Variants in ATXN7 observed in about 807,000 individuals in gnomAD.
ATXN7 encodes the protein ataxin-7.
ATXN7 carries 12 observed loss-of-function variants against 70.5 expected under a neutral mutation model. The ratio of observed to expected loss-of-function variants is 0.17; its 90% CI spans 0.11 to 0.28. ATXN7 has a LOEUF of 0.28. Ranked by LOEUF, ATXN7 falls within the 10% of genes least tolerant of loss-of-function variation. The pLI, the probability that ATXN7 is intolerant of heterozygous loss-of-function variation, is 1.00. For synonymous variants in ATXN7, 498 were observed against 448.7 expected, an observed-to-expected ratio of 1.11 and a Z score of -1.39; for missense variants, 1,256 against 1,131.7, an observed-to-expected ratio of 1.11 and a Z score of -1.58.
chr3:63,990,406 T>C, intron 10 of ATXN7, 32 bp downstream of exon 10: 2 of 1,612,136 alleles, frequency 1.2e-6, no homozygotes, highest in Non-Finnish European at 1.7e-6. Context: ...GCGTTGACCC[T>C]CCCCACACAG....
rs2075514462 is a variant in ATXN7 at position 63,982,944 on chromosome 3, G to A, written c.1018G>A (p.Glu340Lys). Reference sequence around the variant, plus strand: ...TGCCTGTGTTCTTTTGACAGAAAGAGAGTTTGATCCTGACATCCACTGTGG... The same window carrying A: ...TGCCTGTGTTCTTTTGACAGAAAGAAAGTTTGATCCTGACATCCACTGTGG... ...KFLNKRLSER[E>K]FDPDIHCGVI... Residue 340 changes from glutamate to lysine, a missense_variant, in exon 8 of 13, where the codon GAG (glutamate) becomes AAG (lysine). By Grantham distance (56) the Glu-to-Lys change is moderately conservative. Coordinates refer to ENST00000674280, the MANE Select transcript of ATXN7 (RefSeq NM_001377405.1). The A allele has an allele frequency of 1.2e-6, 2 of 1,613,892 alleles. No homozygotes were observed. Among genetic ancestry groups the A allele is most frequent in the East Asian group, 4.5e-5 (2 of 44,878 alleles).
At chr3:63,940,158 A>G (rs986827355) in intron 4 of ATXN7, among the ~76,000 whole-genome samples, 3 of 152,094 alleles carry the variant, frequency 2.0e-5, no homozygotes, top group African/African-American at 7.2e-5. Flanking sequence ...AGTTGTGCGC[A>G]TGCCCAGAAA....
At chr3:63,986,374 A>C (rs189026662) in intron 8 of ATXN7, among the ~76,000 whole-genome samples, 1 of 152,308 alleles carries the variant, frequency 6.6e-6, no homozygotes, top group East Asian at 1.9e-4. Flanking sequence ...TGGAAACCCT[A>C]CTTAGGCTTC....
At chr3:63,977,202 TGAAAAAGC>T (rs2075402393) in intron 5 of ATXN7, among the ~76,000 whole-genome samples, 1 of 152,188 alleles carries the variant, frequency 6.6e-6, no homozygotes, top group African/African-American at 2.4e-5. Flanking sequence ...ACAAAAATCA[TGAAAAAGC>T]GAATGCAAAA....
At chr3:63,899,437 A>G (rs1703547227) in intron 2 of ATXN7, among the ~76,000 whole-genome samples, 1 of 152,072 alleles carries the variant, frequency 6.6e-6, no homozygotes, top group Non-Finnish European at 1.5e-5. Flanking sequence ...GAAGTTTCAC[A>G]TAATATGAAG....
At chr3:63,919,120 G>A (rs1704405249) in intron 4 of ATXN7, among the ~76,000 whole-genome samples, 1 of 152,150 alleles carries the variant, frequency 6.6e-6, no homozygotes, top group Non-Finnish European at 1.5e-5. Flanking sequence ...CATTGCATTG[G>A]TTGGAATAAA....
At chr3:63,876,179 G>A (rs1165030656) in intron 1 of ATXN7, among the ~76,000 whole-genome samples, 2 of 152,070 alleles carry the variant, frequency 1.3e-5, no homozygotes, top group Non-Finnish European at 2.9e-5. Context: ...AAAAGAATGC[G>A]AGTAAAGTTC....
intron 2 of ATXN7, among the ~76,000 whole-genome samples, chr3:63,909,549 T>C (rs1342667392): frequency 6.6e-6 from 1 of 152,240 alleles, no homozygotes. Context: ...TGGGTTTCTG[T>C]TGTACTCTTG....
At chr3:63,984,535 G>A (rs974279543) in intron 8 of ATXN7, among the ~76,000 whole-genome samples, 7 of 152,124 alleles carry the variant, frequency 4.6e-5, no homozygotes, top group East Asian at 1.9e-4. Context: ...CTCCTTCTGC[G>A]CTCTTCCTGC....
rs1214239642 is a variant in ATXN7, at chr3:63,900,204, CAAGG to C, written c.-12+1711_-12+1714del. Among the ~76,000 whole-genome samples the C allele has an allele frequency of 4.6e-5, 7 of 152,300 alleles. No homozygotes were observed. The South Asian group carries it at 6.2e-4, about 14-fold the overall frequency. ...AAAGACTGAAACAACAGAATCGAAACAAGGAAGACGAAAGGAGTTTCAGCCTCTG... is the reference window on the plus strand; with the variant it reads ...AAAGACTGAAACAACAGAATCGAAACAAGACGAAAGGAGTTTCAGCCTCTG... On this transcript the variant is annotated intron_variant, in intron 2 of 12. Transcript: ENST00000674280.
At chr3:63,894,420 A>G (rs1468507493) in intron 1 of ATXN7, among the ~76,000 whole-genome samples, 1 of 152,234 alleles carries the variant, frequency 6.6e-6, no homozygotes, top group Non-Finnish European at 1.5e-5. Context: ...GTGAGTATCA[A>G]GATGGAGAGA....
chr3:63,934,085 AC>A (rs1354861522), intron 4 of ATXN7, among the ~76,000 whole-genome samples: 1 of 152,098 alleles, frequency 6.6e-6, no homozygotes, highest in East Asian at 1.9e-4. Context: ...AATTGGCCTA[AC>A]TCCTTTGCAG....
chr3:63,912,693 A>AGCAGCC lies in ATXN7; in HGVS notation c.100_101insCGCAGC (p.Gln33_Gln34insProGln). 1 of 1,128,324 alleles carries AGCAGCC rather than the reference A, an allele frequency of 8.9e-7. No homozygotes were observed. The allele number at this position is 1,128,324 out of a possible 1,614,324, so 69.9% of individuals were successfully genotyped here. ...GCGGCCGCGGCCGCCCGGCAGCAGC[A>AGCAGCC]GCAGCAGCAGCAGCAGCAGCAGCCG... On this transcript the variant is annotated inframe_insertion, in exon 3 of 13. Coordinates refer to ENST00000674280, the MANE Select transcript of ATXN7 (RefSeq NM_001377405.1).
chr3:63,941,179 TAGTG>T (rs745547134), intron 4 of ATXN7, among the ~76,000 whole-genome samples: 1 of 152,180 alleles, frequency 6.6e-6, no homozygotes. Flanking sequence ...CATTTGTAAT[TAGTG>T]AGTAATTAAT....
intron 4 of ATXN7, among the ~76,000 whole-genome samples, chr3:63,916,100 C>G (rs750581723): frequency 6.6e-6 from 1 of 152,152 alleles, no homozygotes; most frequent in Non-Finnish European, 1.5e-5. Context: ...GCTGCTTAAC[C>G]TTGCATTAGT....
chr3:63,971,066 A>G (rs1204093037), intron 5 of ATXN7, among the ~76,000 whole-genome samples: 1 of 152,216 alleles, frequency 6.6e-6, no homozygotes, highest in Non-Finnish European at 1.5e-5. Flanking sequence ...TGCCTTTGGC[A>G]GAGGTAGCAG....
intron 4 of ATXN7, among the ~76,000 whole-genome samples, chr3:63,935,114 TAATGAATG>T (rs533473958): frequency 3.3e-5 from 5 of 152,044 alleles, no homozygotes; most frequent in Non-Finnish European, 7.4e-5. Context: ...TTAGTAAAGG[TAATGAATG>T]AATGAATGAA....
intron 4 of ATXN7, among the ~76,000 whole-genome samples, chr3:63,922,794 T>C (rs1704559877): frequency 6.6e-6 from 1 of 152,146 alleles, no homozygotes; most frequent in Admixed American, 6.5e-5. Flanking sequence ...TTGGAAACTA[T>C]ATAGGAAGAT....
chr3:63,958,256 T>C (rs1053430862), intron 5 of ATXN7, among the ~76,000 whole-genome samples: 1 of 152,218 alleles, frequency 6.6e-6, no homozygotes, highest in Non-Finnish European at 1.5e-5. Context: ...TTGGATTCTT[T>C]TAGATGCTAT....
Sources: allele counts gnomAD v4.1 joint callset (sites outside exome capture counted in the v4.1 genomes callset), GRCh38; gene constraint gnomAD v4.1.1; transcripts MANE v1.5; gene names NCBI Gene and HGNC (gene_info 2026-07-23, HGNC 2026-07-21).